Variants in AADACL4 observed in about 807,000 individuals in gnomAD.
AADACL4 encodes the protein arylacetamide deacetylase-like 4.
AADACL4 carries 9 observed loss-of-function variants against 14.1 expected under a neutral mutation model. The ratio of observed to expected loss-of-function variants is 0.64; its 90% CI spans 0.39 to 1.12. The LOEUF (loss-of-function observed/expected upper bound fraction) is 1.12, where lower values mean the gene tolerates loss of function less well. AADACL4 is among the 50% of genes most tolerant of loss of function. The pLI, the probability that AADACL4 is intolerant of heterozygous loss-of-function variation, is 0.01. For synonymous variants in AADACL4, 188 were observed against 201.6 expected, an observed-to-expected ratio of 0.93 and a Z score of 0.57; for missense variants, 531 against 516.1, an observed-to-expected ratio of 1.03 and a Z score of -0.28.
chr1:12,661,676 C>A, intron 2 of AADACL4, 115 bp from the exon 3 acceptor site: 1 of 1,076,528 alleles, frequency 9.3e-7, no homozygotes, highest in Non-Finnish European at 1.4e-6. Context: ...AGGATAGAAA[C>A]AGAGAGGATG....
chr1:12,657,737 C>T (rs1382940182), intron 2 of AADACL4, among the ~76,000 whole-genome samples: 1 of 152,154 alleles, frequency 6.6e-6, no homozygotes, highest in Non-Finnish European at 1.5e-5. Flanking sequence ...CACACCCATT[C>T]TGGGACCAAA....
In AADACL4 at chr1:12,666,139, T is replaced by A. The variant is rs771254445; in HGVS notation, c.628T>A (p.Ser210Thr). ...AAITQALVGR[S>T]DLPRIRAQVL... Reference sequence around the variant, plus strand: ...CATCACCCAGGCCTTGGTGGGCAGATCAGATCTTCCCCGGATCCGGGCTCA... The same window carrying A: ...CATCACCCAGGCCTTGGTGGGCAGAACAGATCTTCCCCGGATCCGGGCTCA... The change falls in exon 4 of 4, where the codon TCA becomes ACA. Residue 210 changes from serine to threonine, a missense_variant. By Grantham distance (58) the Ser-to-Thr change is moderately conservative (BLOSUM62 1). Transcript: ENST00000376221. 4 of 1,614,220 alleles carry A rather than the reference T, an allele frequency of 2.5e-6. No homozygotes were observed. In the South Asian group the frequency reaches 3.3e-5, roughly 13 times the overall value.
intron 1 of AADACL4, among the ~76,000 whole-genome samples, chr1:12,646,581 C>T (rs1647112749): frequency 6.6e-6 from 1 of 152,214 alleles, no homozygotes; most frequent in Non-Finnish European, 1.5e-5. Flanking sequence ...CTGCAATCCA[C>T]ATGGAGTTAC....
intron 3 of AADACL4, among the ~76,000 whole-genome samples, chr1:12,662,570 G>A (rs930374369): frequency 6.6e-6 from 1 of 152,184 alleles, no homozygotes; most frequent in Non-Finnish European, 1.5e-5. Context: ...AGTGGATGGA[G>A]GGGGCAGTAG....
intron 1 of AADACL4, among the ~76,000 whole-genome samples, chr1:12,646,952 A>C (rs1647115431): frequency 6.6e-6 from 1 of 152,132 alleles, no homozygotes; most frequent in African/African-American, 2.4e-5. Context: ...GACAAGGAAA[A>C]AGCTAAAAAG....
intron 1 of AADACL4, among the ~76,000 whole-genome samples, chr1:12,648,390 T>TTCCTTCCTTCC (rs759905931): frequency 6.9e-6 from 1 of 145,442 alleles, no homozygotes; most frequent in African/African-American, 2.7e-5. Context: ...CCTTCCTTCC[T>TTCCTTCCTTCC]TTCTTTCCTT....
chr1:12,652,858 G>A (rs888040457), intron 2 of AADACL4, among the ~76,000 whole-genome samples: 2 of 152,114 alleles, frequency 1.3e-5, no homozygotes, highest in South Asian at 2.1e-4. Flanking sequence ...GGGTCCAGTC[G>A]GTCTTAGCCA....
chr1:12,648,711 T>A (rs2100757952), intron 1 of AADACL4, among the ~76,000 whole-genome samples: 1 of 152,168 alleles, frequency 6.6e-6, no homozygotes, highest in Admixed American at 6.6e-5. Context: ...CCACTGGACC[T>A]CAGATATTTT....
At chr1:12,658,260 TTTTC>T (rs1411607740) in intron 2 of AADACL4, among the ~76,000 whole-genome samples, 3 of 149,504 alleles carry the variant, frequency 2.0e-5, no homozygotes, top group East Asian at 2.0e-4. Context: ...CTTCCTTCCT[TTTTC>T]TTTCTTTCTT....
chr1:12,648,241 A>G (rs1269312782), intron 1 of AADACL4, among the ~76,000 whole-genome samples: 2 of 152,160 alleles, frequency 1.3e-5, no homozygotes. Flanking sequence ...AAGTGCTGGG[A>G]TTGCAGGCAT....
At chr1:12,650,639 T>C (rs900555110) in intron 1 of AADACL4, among the ~76,000 whole-genome samples, 2 of 151,936 alleles carry the variant, frequency 1.3e-5, no homozygotes, top group Admixed American at 1.3e-4. Context: ...TTCAAGTGAT[T>C]CTCCTGCCTC....
rs1331595898 is a variant in AADACL4, at chr1:12,666,828, G to T, written c.*93G>T. The T allele has an allele frequency of 1.5e-6, 2 of 1,299,744 alleles. No individual in the cohort carries two copies. The highest frequency in any genetic ancestry group is 3.0e-5 in the African/African-American group (2 of 67,408). 80.5% of individuals were successfully genotyped at this position (1,299,744 alleles called of 1,614,324 possible). On this transcript the variant is annotated 3_prime_UTR_variant, in exon 4 of 4. Coordinates refer to ENST00000376221, the MANE Select transcript of AADACL4 (RefSeq NM_001013630.2). Reference sequence around the variant, plus strand: ...GAGTTCTATTTTATTGACTAAAGAGGTGCTACATCAATGCTTGGGGCAGCT... The same window carrying T: ...GAGTTCTATTTTATTGACTAAAGAGTTGCTACATCAATGCTTGGGGCAGCT...
At position 12,666,402 on chromosome 1, in the gene AADACL4, A is replaced by T. The variant is rs1280011254; in HGVS notation, c.891A>T (p.Arg297Ser). Residue 297 changes from arginine (R) to serine (S), a missense_variant, in exon 4 of 4, where the codon AGA becomes AGT. Physicochemically the swap from Arg to Ser is moderately radical, Grantham distance 110. Transcript: ENST00000376221. The stretch of plus-strand genomic sequence containing the variant: ...ACATCCCCAAGAAATTTAAGAACAG[A>T]GGCTACCAACCCTGGTCTCCCGGCC... The part of the protein sequence containing the change: ...PDNIPKKFKN[R>S]GYQPWSPGPF... The T allele has an allele frequency of 6.2e-7, 1 of 1,614,148 alleles. No homozygotes were observed. Among genetic ancestry groups the T allele is most frequent in the Admixed American group, 1.7e-5 (1 of 60,032 alleles).
intron 1 of AADACL4, among the ~76,000 whole-genome samples, chr1:12,648,380 C>G (rs576178045): frequency 6.7e-6 from 1 of 150,118 alleles, no homozygotes; most frequent in African/African-American, 2.5e-5. Flanking sequence ...TTCCTTCCTT[C>G]CTTCCTTCCT....
chr1:12,646,325 G>T (rs561499459), intron 1 of AADACL4, among the ~76,000 whole-genome samples: 217 of 152,338 alleles, frequency 1.4e-3, no homozygotes, highest in African/African-American at 5.0e-3. Context: ...TCCTCATCTG[G>T]GAGGGTTAAT....
chr1:12,651,478 A>G, intron 2 of AADACL4, 139 bp downstream of exon 2: 1 of 886,602 alleles, frequency 1.1e-6, no homozygotes, highest in Non-Finnish European at 1.7e-6. Flanking sequence ...AATAGCCCAG[A>G]CTAAGGGCTT....
chr1:12,661,972 A>G, intron 3 of AADACL4, 118 bp downstream of exon 3: 1 of 1,119,636 alleles, frequency 8.9e-7, no homozygotes, highest in Non-Finnish European at 1.3e-6. Context: ...TTGGACATGC[A>G]TCCACAGAGA....
chr1:12,651,227 C>T lies in AADACL4; in HGVS notation c.273C>T (p.Asp91=), dbSNP rs770479268. The change falls in exon 2 of 4, where the codon GAC becomes GAT. Residue 91 remains aspartate (D), a synonymous_variant. Transcript: ENST00000376221. ...AGGACCCTGAACTTGTGGTGACCGA[C>T]CTGCGTTTTGGGACGATACCCGTGA... ...IKKDPELVVT[D]LRFGTIPVRL... The T allele has an allele frequency of 5.6e-6, 9 of 1,614,106 alleles. No individual in the cohort carries two copies. The highest frequency in any genetic ancestry group is 2.2e-5 in the East Asian group (1 of 44,898).
chr1:12,657,756 C>T (rs960553266), intron 2 of AADACL4, among the ~76,000 whole-genome samples: 7 of 152,026 alleles, frequency 4.6e-5, no homozygotes, highest in East Asian at 1.9e-4. Context: ...AAATGGGTGT[C>T]CCAGAACTGC....
Sources: gnomAD v4.1 joint callset for allele counts (sites outside exome capture counted in the v4.1 genomes callset) on GRCh38, gnomAD v4.1.1 for gene constraint, MANE v1.5 for transcripts, NCBI Gene and HGNC (gene_info 2026-07-23, HGNC 2026-07-21) for gene names.